Variants in TNS3 observed in about 807,000 individuals in gnomAD.
TNS3 encodes the protein tensin-3.
Under a neutral mutation model 140.9 loss-of-function variants are expected in TNS3, and 45 were observed. The observed-to-expected ratio is 0.32, with a 90% CI of 0.25 to 0.41. The LOEUF is 0.41. TNS3 is among the 10% of genes least tolerant of loss of function. The probability of loss-of-function intolerance (pLI) is 1.00; values close to 1 mark genes in which losing one functional copy is unlikely to be tolerated. For missense variants in TNS3, 1,716 were observed against 1,906.7 expected, an observed-to-expected ratio of 0.90 and a Z score of 1.86; for synonymous variants, 815 against 788.4, an observed-to-expected ratio of 1.03 and a Z score of -0.56.
chr7:47,429,892 C>A (rs1034003285), intron 8 of TNS3, among the ~76,000 whole-genome samples: 3 of 152,202 alleles, frequency 2.0e-5, no homozygotes, highest in African/African-American at 7.2e-5. Flanking sequence ...TATAGATACT[C>A]AATGCGGGCA....
chr7:47,360,651 C>G (rs1452664860), intron 17 of TNS3, among the ~76,000 whole-genome samples: 1 of 152,212 alleles, frequency 6.6e-6, no homozygotes, highest in Non-Finnish European at 1.5e-5. Flanking sequence ...CATCCAGAGA[C>G]AGCCCCCAAA....
chr7:47,293,733 C>T lies in TNS3; in HGVS notation c.3772G>A (p.Gly1258Arg), dbSNP rs774311235. 2 of 1,613,918 alleles carry T rather than the reference C, an allele frequency of 1.2e-6. No homozygotes were observed. Among genetic ancestry groups the T allele is most frequent in the Non-Finnish European group, 8.5e-7 (1 of 1,179,894 alleles). Residue 1258 changes from glycine to arginine, a missense_variant and splice_region_variant, in exon 25 of 31, where the codon GGG (glycine) becomes AGG (arginine). Physicochemically the swap from Gly to Arg is moderately radical, Grantham distance 125. Coordinates refer to ENST00000311160, the MANE Select transcript of TNS3 (RefSeq NM_022748.12). ...LKGCSNEPYF[G>R]SLTALVCQHS... ...GACAGCAACCTCTCAAGCAACTCAC[C>T]GAAATATGGTTCATTCGAGCACCCT...
At chr7:47,366,592 G>T (rs1474789971) in intron 17 of TNS3, among the ~76,000 whole-genome samples, 1 of 152,206 alleles carries the variant, frequency 6.6e-6, no homozygotes, top group African/African-American at 2.4e-5. Flanking sequence ...AACATCTGCA[G>T]GGTGTGTGCT....
chr7:47,508,214 T>A (rs1329752635), intron 2 of TNS3, among the ~76,000 whole-genome samples: 1 of 152,250 alleles, frequency 6.6e-6, no homozygotes, highest in African/African-American at 2.4e-5. Context: ...TAAGGTCACT[T>A]GCCCACTGCC....
rs1277205150 is a variant in TNS3, at chr7:47,396,886, T to C, written c.938A>G (p.Asn313Ser). 5.6e-6 allele frequency: 9 copies of C among 1,614,088 alleles called. No individual in the cohort carries two copies. Among genetic ancestry groups the C allele is most frequent in the Non-Finnish European group, 7.6e-6 (9 of 1,179,968 alleles). The change falls in exon 16 of 31, where the codon AAC (asparagine) becomes AGC (serine). Residue 313 changes from asparagine to serine, a missense_variant. Coordinates refer to ENST00000311160, the MANE Select transcript of TNS3 (RefSeq NM_022748.12). Reference sequence around the variant, plus strand: ...GTAGTCCACAATCACACCGTGGTCGTTGTACAAGTGTTCGGACCCTGCACA... The same window carrying C: ...GTAGTCCACAATCACACCGTGGTCGCTGTACAAGTGTTCGGACCCTGCACA... ...EKIQGSEHLY[N>S]DHGVIVDYNT...
intron 20 of TNS3, among the ~76,000 whole-genome samples, chr7:47,325,299 C>T (rs569381634): frequency 6.6e-6 from 1 of 152,254 alleles, no homozygotes; most frequent in East Asian, 1.9e-4. Context: ...CCAGCTGAGC[C>T]CTCATTCCTC....
intron 13 of TNS3, 35 bp from the exon 14 acceptor site, chr7:47,400,949 G>A: frequency 1.2e-6 from 2 of 1,612,358 alleles, no homozygotes; most frequent in Non-Finnish European, 1.7e-6. Context: ...CAAAGTAGCT[G>A]CAGCGGGGGA....
chr7:47,346,388 C>CGCT, intron 17 of TNS3, 32 bp from the exon 18 acceptor site: 2 of 1,611,182 alleles, frequency 1.2e-6, no homozygotes, highest in South Asian at 2.2e-5. Context: ...GGCTGCAGGG[C>CGCT]GCTTCCTCAA....
chr7:47,476,876 G>A (rs1441922525), intron 4 of TNS3, among the ~76,000 whole-genome samples: 1 of 152,212 alleles, frequency 6.6e-6, no homozygotes, highest in Non-Finnish European at 1.5e-5. Flanking sequence ...AATACTATGT[G>A]CCGATTTTGA....
chr7:47,295,725 C>T (rs1785973545), intron 24 of TNS3, among the ~76,000 whole-genome samples: 1 of 152,152 alleles, frequency 6.6e-6, no homozygotes, highest in South Asian at 2.1e-4. Context: ...ACTCTCACAC[C>T]ATTACCTGTG....
rs544662368 is a variant in TNS3 at position 47,335,591 on chromosome 7, G to A, written c.2650+9164C>T. ...TCAGCCACCCAGGGCCAGATGCCCA[G>A]GGGCCTTCTCCGTCCCCCGACTCAT... On this transcript the variant is annotated intron_variant, in intron 20 of 30. Transcript: ENST00000311160. 1.4e-4 allele frequency among the ~76,000 whole-genome samples: 22 copies of A among 152,328 alleles called. No homozygotes were observed. The South Asian group carries it at 3.7e-3, about 26-fold the overall frequency.
At chr7:47,525,917 A>G (rs780991921) in intron 2 of TNS3, among the ~76,000 whole-genome samples, 2 of 152,238 alleles carry the variant, frequency 1.3e-5, no homozygotes, top group East Asian at 1.9e-4. Context: ...CAGAGGATCA[A>G]TCTGGGGTCC....
At chr7:47,401,705 G>A (rs1280210744) in intron 13 of TNS3, among the ~76,000 whole-genome samples, 1 of 152,222 alleles carries the variant, frequency 6.6e-6, no homozygotes, top group Non-Finnish European at 1.5e-5. Flanking sequence ...GTATAACTAG[G>A]TCCCCCCTGC....
intron 8 of TNS3, among the ~76,000 whole-genome samples, chr7:47,431,587 G>A (rs140778495): frequency 2.0e-5 from 3 of 152,084 alleles, no homozygotes; most frequent in African/African-American, 4.8e-5. Context: ...GTGAGACTCC[G>A]TCTCAAAAAA....
intron 3 of TNS3, among the ~76,000 whole-genome samples, chr7:47,490,168 A>G (rs1247610463): frequency 1.3e-5 from 2 of 152,252 alleles, no homozygotes; most frequent in African/African-American, 2.4e-5. Context: ...AACTGCATCC[A>G]CATTACTGGA....
At chr7:47,400,485 A>G (rs1793089900) in intron 14 of TNS3, 27 bp from the exon 15 acceptor site, 3 of 1,609,990 alleles carry the variant, frequency 1.9e-6, no homozygotes, top group African/African-American at 1.3e-5. Context: ...ATTTTAACAC[A>G]TTTGTGGAGA....
chr7:47,460,440 G>A (rs1796441643), intron 4 of TNS3, among the ~76,000 whole-genome samples: 1 of 152,104 alleles, frequency 6.6e-6, no homozygotes, highest in Non-Finnish European at 1.5e-5. Context: ...GCTTTGTCTT[G>A]GCAGCCTAAG....
At chr7:47,338,359 A>T (rs1334211910) in intron 20 of TNS3, among the ~76,000 whole-genome samples, 2 of 152,208 alleles carry the variant, frequency 1.3e-5, no homozygotes, top group Non-Finnish European at 2.9e-5. Flanking sequence ...CCAGTATTGG[A>T]TGTTGTCACT....
chr7:47,581,883 C>T (rs1784544300), intron 1 of TNS3, among the ~76,000 whole-genome samples, 168 bp downstream of exon 1: 3 of 151,238 alleles, frequency 2.0e-5, no homozygotes, highest in African/African-American at 7.3e-5. Context: ...CCCGCGCTCC[C>T]CGAACTCTGT....
Sources: gnomAD v4.1 joint callset for allele counts (sites outside exome capture counted in the v4.1 genomes callset) on GRCh38, gnomAD v4.1.1 for gene constraint, MANE v1.5 for transcripts, NCBI Gene and HGNC (gene_info 2026-07-23, HGNC 2026-07-21) for gene names.